The following ADGRG6 variants were observed in gnomAD, a reference collection of about 807,000 sequenced individuals.
ADGRG6 encodes G-protein coupled receptor 126.
ADGRG6 carries 84 observed loss-of-function variants against 142.4 expected under a neutral mutation model. That is an observed-to-expected ratio of 0.59 (90% CI 0.49 to 0.71). The LOEUF (loss-of-function observed/expected upper bound fraction) is 0.71. Ranked by LOEUF, ADGRG6 falls within the 30% of genes least tolerant of loss-of-function variation. The pLI is 0.00. For missense variants in ADGRG6, 1,367 were observed against 1,466.6 expected (o/e 0.93, Z 1.11); for synonymous variants, 521 against 520.5 (o/e 1.00, Z -0.01).
intron 2 of ADGRG6, among the ~76,000 whole-genome samples, chr6:142,319,976 A>C (rs1778433826): frequency 6.6e-6 from 1 of 152,154 alleles, no homozygotes; most frequent in Middle Eastern, 3.2e-3. Context: ...TTGTTAAAAT[A>C]GGTTAAAAGT....
At chr6:142,434,223 A>G (rs1777364627) in intron 22 of ADGRG6, among the ~76,000 whole-genome samples, 1 of 150,642 alleles carries the variant, frequency 6.6e-6, no homozygotes, top group Non-Finnish European at 1.5e-5. Context: ...ATATATTAAT[A>G]TCAAATAACA....
chr6:142,326,534 T>A (rs1778789111), intron 2 of ADGRG6, among the ~76,000 whole-genome samples: 1 of 152,020 alleles, frequency 6.6e-6, no homozygotes. Context: ...TTGGTTTCTT[T>A]GGTCTTGAAT....
chr6:142,386,380 A>G (rs1782021929), intron 6 of ADGRG6, among the ~76,000 whole-genome samples: 1 of 152,244 alleles, frequency 6.6e-6, no homozygotes, highest in African/African-American at 2.4e-5. Context: ...TTCCAAATAA[A>G]GGCCGAAACA....
intron 8 of ADGRG6, 90 bp downstream of exon 8, chr6:142,393,090 C>A: frequency 1.4e-6 from 1 of 694,312 alleles, no homozygotes; most frequent in Non-Finnish European, 2.6e-6. Context: ...AATATACATA[C>A]AAATACACAC....
intron 3 of ADGRG6, 67 bp downstream of exon 3, chr6:142,367,977 A>G: frequency 1.2e-6 from 1 of 837,846 alleles, no homozygotes; most frequent in Non-Finnish European, 1.9e-6. Context: ...AAACACAAGG[A>G]CCAGAAGACA....
rs928783706 is a variant in ADGRG6 at position 142,439,526 on chromosome 6, G to A, written c.3574+1162G>A. ...TCCATATACATGCCCTGTTTGCACC[G>A]TTTTCTATGTCTTGCCACTGGGGTG... On this transcript the variant is annotated intron_variant, in intron 24 of 24. Transcript: ENST00000367609. Among the ~76,000 whole-genome samples the A allele has an allele frequency of 3.9e-5, 6 of 152,140 alleles. No homozygotes were observed. The South Asian group carries it at 6.2e-4, about 16-fold the overall frequency.
At chr6:142,351,189 G>A (rs146727613) in intron 2 of ADGRG6, among the ~76,000 whole-genome samples, 1,763 of 152,188 alleles carry the variant, frequency 0.012, 36 homozygotes, top group African/African-American at 0.04. Context: ...CCGAGATTGC[G>A]CCACTGCACT....
At chr6:142,320,004 G>A (rs1033767309) in intron 2 of ADGRG6, among the ~76,000 whole-genome samples, 1 of 151,988 alleles carries the variant, frequency 6.6e-6, no homozygotes, top group African/African-American at 2.4e-5. Context: ...AGCTTTTAGG[G>A]CAGAATACAT....
chr6:142,443,831 A>T lies in ADGRG6; in HGVS notation c.*316A>T, dbSNP rs970884913. 5.2e-5 allele frequency: 10 copies of T among 190,478 alleles called. No homozygotes were observed. The highest frequency in any genetic ancestry group is 2.4e-4 in the Admixed American group (4 of 16,862). 11.8% of individuals were successfully genotyped at this position (190,478 alleles called of 1,614,324 possible). ...GACATTCAAATTAGAGACAAGGGAG[A>T]AGCAATGCTGAGGAAGACCCTAGAT... On this transcript the variant is annotated 3_prime_UTR_variant, in exon 25 of 25. Transcript: ENST00000367609.
At chr6:142,439,875 T>C (rs557812699) in intron 24 of ADGRG6, among the ~76,000 whole-genome samples, 2 of 152,354 alleles carry the variant, frequency 1.3e-5, no homozygotes, top group South Asian at 2.1e-4. Context: ...ACTTATTTGG[T>C]GGTTCCGTGG....
intron 1 of ADGRG6, among the ~76,000 whole-genome samples, chr6:142,308,185 T>A (rs1194775829): frequency 6.6e-6 from 1 of 152,008 alleles, no homozygotes; most frequent in African/African-American, 2.4e-5. Flanking sequence ...TGTCAGGAAC[T>A]GTTCTTGAAA....
At chr6:142,315,179 T>C (rs903186446) in intron 2 of ADGRG6, among the ~76,000 whole-genome samples, 3 of 152,134 alleles carry the variant, frequency 2.0e-5, no homozygotes, top group Non-Finnish European at 4.4e-5. Context: ...AATGGGGACA[T>C]ACCAACTCTG....
chr6:142,324,112 T>C (rs1368906529), intron 2 of ADGRG6, among the ~76,000 whole-genome samples: 1 of 152,100 alleles, frequency 6.6e-6, no homozygotes, highest in East Asian at 1.9e-4. Flanking sequence ...CTGACTGTAT[T>C]TTTTGAATGT....
chr6:142,384,488 A>C (rs1285978928), intron 6 of ADGRG6, among the ~76,000 whole-genome samples: 1 of 152,190 alleles, frequency 6.6e-6, no homozygotes, highest in Non-Finnish European at 1.5e-5. Context: ...GGTAAGAAAT[A>C]AACAGAGGAA....
chr6:142,428,776 C>T (rs1017631312), intron 22 of ADGRG6, among the ~76,000 whole-genome samples: 13 of 152,068 alleles, frequency 8.5e-5, no homozygotes, highest in African/African-American at 2.9e-4. Flanking sequence ...CAGTTCCCTC[C>T]GTTGACATTT....
chr6:142,370,443 A>G lies in ADGRG6; in HGVS notation c.719A>G (p.Lys240Arg), dbSNP rs933058775. 1.2e-6 allele frequency: 2 copies of G among 1,613,522 alleles called. No homozygotes were observed. Among genetic ancestry groups the G allele is most frequent in the African/African-American group, 2.7e-5 (2 of 74,930 alleles). ...KCLLNNALPVKEKEDIFAESF... is the reference protein window; with the variant it reads ...KCLLNNALPVREKEDIFAESF... The stretch of plus-strand genomic sequence containing the variant: ...TTGTTGAATAATGCATTACCTGTCA[A>G]AGAAAAAGAAGACATTTTTGCAGAA... Residue 240 changes from lysine to arginine, a missense_variant, in exon 4 of 25, where the codon AAA becomes AGA. Around this residue, in one of 3 missense-constraint regions of ADGRG6, gnomAD observed 737 missense variants for 746.5 expected, o/e 0.99. Transcript: ENST00000367609.
chr6:142,424,731 A>AT (rs1776853856), intron 22 of ADGRG6, among the ~76,000 whole-genome samples: 2 of 152,056 alleles, frequency 1.3e-5, no homozygotes, highest in East Asian at 3.9e-4. Flanking sequence ...GATTGGAATA[A>AT]TTTTTTCTCT....
At position 142,438,201 on chromosome 6, in the gene ADGRG6, T is replaced by C; in HGVS notation, c.3422-11T>C. The C allele has an allele frequency of 6.4e-7, 1 of 1,564,952 alleles. No homozygotes were observed. The highest frequency in any genetic ancestry group is 1.4e-5 in the African/African-American group (1 of 72,758). On this transcript the variant is annotated splice_polypyrimidine_tract_variant and intron_variant, in intron 23 of 24. Coordinates refer to ENST00000367609, the MANE Select transcript of ADGRG6 (RefSeq NM_198569.3). ...AGCAGATTGATAGGGTGATGTCATT[T>C]TTTTTTTCAGATTGGAGTAAGACAG...
At chr6:142,311,909 C>T (rs1425635854) in intron 2 of ADGRG6, among the ~76,000 whole-genome samples, 1 of 151,934 alleles carries the variant, frequency 6.6e-6, no homozygotes, top group Admixed American at 6.6e-5. Flanking sequence ...CTCCTTCTAT[C>T]CTCCTGTTCT....
Sources: gnomAD v4.1 joint callset for allele counts (sites outside exome capture counted in the v4.1 genomes callset) on GRCh38, gnomAD v4.1.1 for gene constraint, gnomAD v4.1.1 regional missense constraint, MANE v1.5 for transcripts, NCBI Gene and HGNC (gene_info 2026-07-23, HGNC 2026-07-21) for gene names.